ATRN: variants seen among roughly 807,000 people sequenced by gnomAD.
ATRN encodes the protein attractin.
Under a neutral mutation model 178.7 loss-of-function variants are expected in ATRN, and 54 were observed. The observed-to-expected ratio is 0.30, with a 90% CI of 0.24 to 0.38. The LOEUF is 0.38. Ranked by LOEUF, ATRN falls within the 10% of genes least tolerant of loss-of-function variation. ATRN has a pLI of 1.00. For synonymous variants in ATRN, 636 were observed against 663.0 expected, an observed-to-expected ratio of 0.96 and a Z score of 0.63; for missense variants, 1,443 against 1,815.1, an observed-to-expected ratio of 0.79 and a Z score of 3.73.
Position 3,646,817 on chromosome 20 carries a change from G to T in ATRN, c.4260G>T (p.Gln1420His). Residue 1420 changes from glutamine to histidine, a missense_variant, in exon 29 of 29, where the codon CAG becomes CAT. Gln to His is a conservative substitution (Grantham distance 24, BLOSUM62 0). Around this residue, in one of 4 missense-constraint regions of ATRN, gnomAD observed 289 missense variants for 440.8 expected, o/e 0.66. Transcript: ENST00000262919. ...GAGCCGTGAGAAACCGGAAGCAGCA[G>T]CCCCCTGCACAGCCTGGGACCTGCA... ...KSGAVRNRKQ[Q>H]PPAQPGTCI 2 of 1,613,026 alleles carry T rather than the reference G, an allele frequency of 1.2e-6. No homozygotes were observed. Among genetic ancestry groups the T allele is most frequent in the Non-Finnish European group, 1.7e-6 (2 of 1,179,694 alleles).
chr20:3,608,858 T>A (rs1393852493), intron 24 of ATRN, among the ~76,000 whole-genome samples: 1 of 151,782 alleles, frequency 6.6e-6, no homozygotes, highest in Non-Finnish European at 1.5e-5. Context: ...TCCCAGCTAC[T>A]TGGGAGGCTG....
At chr20:3,607,202 T>G (rs187932584) in intron 24 of ATRN, among the ~76,000 whole-genome samples, 5 of 152,192 alleles carry the variant, frequency 3.3e-5, no homozygotes, top group Non-Finnish European at 7.3e-5. Flanking sequence ...ATAAGAGTAA[T>G]TAGGATATCC....
At chr20:3,510,819 T>G (rs2085116740) in intron 1 of ATRN, among the ~76,000 whole-genome samples, 1 of 152,198 alleles carries the variant, frequency 6.6e-6, no homozygotes, top group Non-Finnish European at 1.5e-5. Context: ...TGTGGGGAGA[T>G]GCTTTAAGAC....
chr20:3,592,351 G>T, intron 19 of ATRN: 1 of 622,644 alleles, frequency 1.6e-6, no homozygotes, highest in East Asian at 1.5e-4. Flanking sequence ...AGTGAGCTAA[G>T]ATCACGCCAC....
Position 3,547,405 on chromosome 20 carries a change from T to C in ATRN, c.859T>C (p.Cys287Arg), listed in dbSNP as rs753977218. ...AGGTGAAGCATGTGACATTCCTCAC[T>C]GTACAGACAACTGTGGTTTTCCTCA... is the stretch of plus-strand genomic sequence containing the variant. ...WKGEACDIPH[C>R]TDNCGFPHRG... The change falls in exon 5 of 29, where the codon TGT (cysteine) becomes CGT (arginine). Residue 287 changes from cysteine (C) to arginine (R), a missense_variant. Coordinates refer to ENST00000262919, the MANE Select transcript of ATRN (RefSeq NM_139321.3). 1.2e-6 allele frequency: 2 copies of C among 1,614,130 alleles called. No homozygotes were observed. Among genetic ancestry groups the C allele is most frequent in the South Asian group, 1.1e-5 (1 of 91,084 alleles).
intron 1 of ATRN, among the ~76,000 whole-genome samples, chr20:3,494,564 G>A (rs902750180): frequency 1.3e-5 from 2 of 152,182 alleles, no homozygotes; most frequent in Admixed American, 1.3e-4. Flanking sequence ...GAGGGAAAAA[G>A]ATGAGATTGG....
chr20:3,561,006 C>G, intron 8 of ATRN, 101 bp downstream of exon 8: 2 of 1,390,562 alleles, frequency 1.4e-6, no homozygotes, highest in Non-Finnish European at 2.0e-6. Flanking sequence ...AATCTTGATT[C>G]GGTACTTTAT....
At chr20:3,493,240 AC>A (rs1334305849) in intron 1 of ATRN, among the ~76,000 whole-genome samples, 1 of 150,802 alleles carries the variant, frequency 6.6e-6, no homozygotes, top group Non-Finnish European at 1.5e-5. Context: ...TGCAGCCTTG[AC>A]TTCCTGAACT....
At chr20:3,576,825 T>C in intron 13 of ATRN, 34 bp from the exon 14 acceptor site, 1 of 1,609,556 alleles carries the variant, frequency 6.2e-7, no homozygotes, top group Non-Finnish European at 8.5e-7. Context: ...TCTCTGTGGA[T>C]ACAAAAGAAA....
intron 1 of ATRN, among the ~76,000 whole-genome samples, chr20:3,508,446 A>G (rs1048852114): frequency 6.6e-6 from 1 of 152,208 alleles, no homozygotes; most frequent in Non-Finnish European, 1.5e-5. Context: ...AGCAGTCATA[A>G]ACAATCATAA....
chr20:3,489,612 G>T, intron 1 of ATRN: 2 of 1,461,596 alleles, frequency 1.4e-6, no homozygotes, highest in Non-Finnish European at 1.9e-6. Context: ...TCTTCCTCCA[G>T]TGTCAGGCTG....
rs551650791 is a variant in ATRN, at chr20:3,610,788, G to A, written c.3801+6526G>A. ...TTTTTGGTAGAGATGAGATCTCCCT[G>A]TGTTGCCTAGTCTGGTCTCAAACTC... On this transcript the variant is annotated intron_variant, in intron 24 of 28. Transcript: ENST00000262919. Among the ~76,000 whole-genome samples, 7 of 113,714 alleles carry A rather than the reference G, an allele frequency of 6.2e-5. No homozygotes were observed. In the South Asian group the frequency reaches 1.1e-3, roughly 18 times the overall value. The allele number at this position is 113,714 out of a possible 152,430, so 74.6% of individuals were successfully genotyped here. A position where few individuals can be genotyped will look rare whatever the true frequency, so the allele number is the denominator to read the frequency against.
intron 1 of ATRN, among the ~76,000 whole-genome samples, chr20:3,530,242 TA>T (rs981808507): frequency 4.1e-5 from 6 of 147,682 alleles, no homozygotes; most frequent in African/African-American, 1.2e-4. Context: ...ATATATATAT[TA>T]AAAAATTATA....
chr20:3,593,798 A>G (rs748672339), intron 19 of ATRN, among the ~76,000 whole-genome samples: 4 of 152,236 alleles, frequency 2.6e-5, no homozygotes, highest in Non-Finnish European at 5.9e-5. Context: ...GTGTTGACCA[A>G]AAAGGCTTTC....
chr20:3,604,024 T>C, intron 23 of ATRN, 81 bp from the exon 24 acceptor site: 3 of 1,199,364 alleles, frequency 2.5e-6, no homozygotes, highest in Non-Finnish European at 3.5e-6. Flanking sequence ...CTATTGTCCT[T>C]ATTATTAATG....
intron 24 of ATRN, among the ~76,000 whole-genome samples, chr20:3,622,638 CAGG>C (rs2086905443): frequency 6.6e-6 from 1 of 152,246 alleles, no homozygotes; most frequent in African/African-American, 2.4e-5. Flanking sequence ...GGGTATTCAG[CAGG>C]GTTAGATGTT....
At chr20:3,624,081 A>G (rs1254864463) in intron 24 of ATRN, among the ~76,000 whole-genome samples, 1 of 152,244 alleles carries the variant, frequency 6.6e-6, no homozygotes, top group South Asian at 2.1e-4. Flanking sequence ...TGCAGTCAGT[A>G]CACACTGAGT....
intron 24 of ATRN, among the ~76,000 whole-genome samples, chr20:3,623,422 T>G (rs1234536710): frequency 6.6e-6 from 1 of 152,192 alleles, no homozygotes; most frequent in African/African-American, 2.4e-5. Flanking sequence ...GTGTTGGAAT[T>G]TATTTATTTA....
At chr20:3,501,538 AGTGGTAGAATAGCTT>A (rs1297978210) in intron 1 of ATRN, among the ~76,000 whole-genome samples, 1 of 152,170 alleles carries the variant, frequency 6.6e-6, no homozygotes, top group Admixed American at 6.5e-5. Context: ...CATTTCTATC[AGTGGTAGAATAGCTT>A]TTTCTAAGCC....
Sources: gnomAD v4.1 joint callset for allele counts (sites outside exome capture counted in the v4.1 genomes callset) on GRCh38, gnomAD v4.1.1 for gene constraint, gnomAD v4.1.1 regional missense constraint, MANE v1.5 for transcripts, NCBI Gene and HGNC (gene_info 2026-07-23, HGNC 2026-07-21) for gene names.